The following CDH8 variants were observed in gnomAD, a reference collection of about 807,000 sequenced individuals.
CDH8 encodes the protein cadherin-8.
Under a neutral mutation model 68.1 loss-of-function variants are expected in CDH8, and 17 were observed. The observed-to-expected ratio is 0.25, with a 90% CI of 0.17 to 0.37. CDH8 has a LOEUF of 0.37. Ranked by LOEUF, CDH8 falls within the 10% of genes least tolerant of loss-of-function variation. The probability of loss-of-function intolerance (pLI) is 1.00; values close to 1 mark genes in which losing one functional copy is unlikely to be tolerated. For synonymous variants in CDH8, 372 were observed against 365.1 expected, an observed-to-expected ratio of 1.02 and a Z score of -0.21; for missense variants, 763 against 999.3, an observed-to-expected ratio of 0.76 and a Z score of 3.19.
intron 2 of CDH8, among the ~76,000 whole-genome samples, chr16:61,960,180 CAT>C (rs145897072): frequency 2.2e-5 from 2 of 90,218 alleles, no homozygotes. Flanking sequence ...TACATATATA[CAT>C]ATGTGTGTGT....
intron 1 of CDH8, among the ~76,000 whole-genome samples, chr16:62,034,756 CT>C (rs1435932436): frequency 6.6e-6 from 1 of 152,156 alleles, no homozygotes; most frequent in Non-Finnish European, 1.5e-5. Flanking sequence ...TTGAAAGGAC[CT>C]TTCCTCCCTC....
At chr16:61,938,584 G>C (rs1181599176) in intron 2 of CDH8, among the ~76,000 whole-genome samples, 1 of 152,118 alleles carries the variant, frequency 6.6e-6, no homozygotes, top group African/African-American at 2.4e-5. Context: ...TAAAATGTAA[G>C]GTACTGCTAA....
At chr16:61,904,132 A>C (rs1964026466) in intron 2 of CDH8, among the ~76,000 whole-genome samples, 1 of 152,058 alleles carries the variant, frequency 6.6e-6, no homozygotes, top group South Asian at 2.1e-4. Flanking sequence ...ACATGTACAT[A>C]CTCTTGCACA....
intron 2 of CDH8, among the ~76,000 whole-genome samples, chr16:61,979,588 T>C (rs1386986407): frequency 6.6e-6 from 1 of 151,976 alleles, no homozygotes; most frequent in Non-Finnish European, 1.5e-5. Context: ...AAAAAACCTT[T>C]GTGCCAACTC....
chr16:61,832,003 A>C (rs1429221855), intron 4 of CDH8, among the ~76,000 whole-genome samples: 1 of 151,714 alleles, frequency 6.6e-6, no homozygotes, highest in African/African-American at 2.4e-5. Flanking sequence ...AAGAGACAAT[A>C]CTTCTATAAG....
chr16:61,722,369 G>T (rs1173276784), intron 9 of CDH8, among the ~76,000 whole-genome samples: 1 of 150,588 alleles, frequency 6.6e-6, no homozygotes. Context: ...CTGTCTAGTT[G>T]CTTGAATATT....
chr16:61,744,996 T>C (rs1959978829), intron 8 of CDH8, among the ~76,000 whole-genome samples: 1 of 151,330 alleles, frequency 6.6e-6, no homozygotes, highest in Non-Finnish European at 1.5e-5. Context: ...CTTTTCTATA[T>C]TATCATATTG....
chr16:61,896,437 C>T (rs1174774301), intron 3 of CDH8, among the ~76,000 whole-genome samples: 1 of 152,196 alleles, frequency 6.6e-6, no homozygotes, highest in Non-Finnish European at 1.5e-5. Context: ...ATCCCTCAGC[C>T]TTTGCTGGCA....
At position 61,702,385 on chromosome 16, in the gene CDH8, A is replaced by AAAAAAAAG. The variant is rs1446910385; in HGVS notation, c.1654+11455_1654+11456insCTTTTTTT. ...AGACTCCGTCTCAAAAAAAGAAAAAAAAAAAAGAAAAAAGAAAAATAAGTC... is the reference window on the plus strand; with the variant it reads ...AGACTCCGTCTCAAAAAAAGAAAAAAAAAAAAAGAAAAAAGAAAAAAGAAAAATAAGTC... On this transcript the variant is annotated intron_variant, in intron 10 of 11. Coordinates refer to ENST00000577390, the MANE Select transcript of CDH8 (RefSeq NM_001796.5). Among the ~76,000 whole-genome samples the AAAAAAAAG allele has an allele frequency of 2.5e-3, 376 of 152,044 alleles. 1 individual carries two copies. Among genetic ancestry groups the AAAAAAAAG allele is most frequent in the African/African-American group, 8.8e-3 (365 of 41,452 alleles).
intron 4 of CDH8, among the ~76,000 whole-genome samples, chr16:61,852,897 T>TCCCTTCTTCCTTCCTTCCTTC (rs149266274): frequency 1.7e-5 from 2 of 121,208 alleles, no homozygotes; most frequent in African/African-American, 7.2e-5. Flanking sequence ...TTCCTTCCAT[T>TCCCTTCTTCCTTCCTTCCTTC]CTTCCTTCCT....
At chr16:61,851,444 T>C (rs1199011163) in intron 4 of CDH8, among the ~76,000 whole-genome samples, 2 of 152,126 alleles carry the variant, frequency 1.3e-5, no homozygotes, top group Non-Finnish European at 2.9e-5. Context: ...TCTGAAACTT[T>C]ACCCTGGTCT....
At chr16:62,034,755 C>A (rs563324987) in intron 1 of CDH8, among the ~76,000 whole-genome samples, 3 of 152,144 alleles carry the variant, frequency 2.0e-5, no homozygotes, top group Admixed American at 6.5e-5. Flanking sequence ...GTTGAAAGGA[C>A]CTTTCCTCCC....
At chr16:61,883,045 T>C (rs1645213896) in intron 3 of CDH8, among the ~76,000 whole-genome samples, 1 of 152,200 alleles carries the variant, frequency 6.6e-6, no homozygotes, top group African/African-American at 2.4e-5. Context: ...TCTGTTATGA[T>C]GGTCCTTCAC....
chr16:61,876,651 A>G (rs983263258), intron 3 of CDH8, among the ~76,000 whole-genome samples: 1 of 152,124 alleles, frequency 6.6e-6, no homozygotes, highest in African/African-American at 2.4e-5. Context: ...AGAAACAAGC[A>G]CTATGAGATA....
intron 2 of CDH8, among the ~76,000 whole-genome samples, chr16:61,958,185 ATGAGACAGGGAAAATTCC>A (rs1255100091): frequency 6.6e-6 from 1 of 152,184 alleles, no homozygotes; most frequent in Non-Finnish European, 1.5e-5. Flanking sequence ...GCCAACCTGC[ATGAGACAGGGAAAATTCC>A]TGAGGCTGAT....
At chr16:61,755,108 C>T (rs550698945) in intron 8 of CDH8, among the ~76,000 whole-genome samples, 6 of 152,238 alleles carry the variant, frequency 3.9e-5, no homozygotes, top group East Asian at 3.9e-4. Context: ...AGGCAAACAA[C>T]GACTCTTGTG....
chr16:61,847,262 C>T (rs2143010727), intron 4 of CDH8, among the ~76,000 whole-genome samples: 1 of 152,032 alleles, frequency 6.6e-6, no homozygotes, highest in Admixed American at 6.6e-5. Flanking sequence ...ATCCAAGATC[C>T]CTGTCCATAT....
At chr16:61,930,572 G>C (rs932920178) in intron 2 of CDH8, among the ~76,000 whole-genome samples, 2 of 152,126 alleles carry the variant, frequency 1.3e-5, no homozygotes, top group Non-Finnish European at 2.9e-5. Context: ...TTACAACCCT[G>C]CATTGACCTT....
intron 10 of CDH8, among the ~76,000 whole-genome samples, chr16:61,703,468 T>C (rs560482349): frequency 2.6e-5 from 4 of 152,344 alleles, no homozygotes; most frequent in Non-Finnish European, 4.4e-5. Context: ...AAGTTTCACA[T>C]TGACTCACAA....
Sources: allele counts gnomAD v4.1 joint callset (sites outside exome capture counted in the v4.1 genomes callset), GRCh38; gene constraint gnomAD v4.1.1; transcripts MANE v1.5; gene names NCBI Gene and HGNC (gene_info 2026-07-23, HGNC 2026-07-21).